The following RBM23 variants were observed in gnomAD, a reference collection of about 807,000 sequenced individuals.
RBM23 encodes probable RNA-binding protein 23.
Under a neutral mutation model 56.2 loss-of-function variants are expected in RBM23, and 53 were observed. The ratio of observed to expected loss-of-function variants is 0.94; its 90% CI spans 0.76 to 1.19. The LOEUF (loss-of-function observed/expected upper bound fraction) is 1.19, where lower values mean the gene tolerates loss of function less well. RBM23 is among the 50% of genes most tolerant of loss of function. RBM23 has a pLI of 0.00. For missense variants in RBM23, 642 were observed against 590.3 expected (o/e 1.09, Z -0.91); for synonymous variants, 197 against 198.5 (o/e 0.99, Z 0.06).
chr14:22,917,937 G>C (rs8023107), intron 1 of RBM23: 1 of 152,210 alleles, frequency 6.6e-6, no homozygotes, highest in Non-Finnish European at 1.5e-5. Flanking sequence ...AAGAATTCAC[G>C]AAAAGCTGGA....
intron 1 of RBM23, chr14:22,916,926 T>C (rs949307088): frequency 2.0e-5 from 3 of 152,052 alleles, no homozygotes; most frequent in African/African-American, 7.2e-5. Context: ...TGGAGTGCAA[T>C]GGCGCAATCT....
At chr14:22,909,359 T>C in intron 3 of RBM23, 124 bp downstream of exon 3, 1 of 756,156 alleles carries the variant, frequency 1.3e-6, no homozygotes, top group South Asian at 1.5e-5. Flanking sequence ...ATGACCTAGG[T>C]GGAGCCATTA....
At chr14:22,903,790 A>G in intron 10 of RBM23, 1 of 1,004,888 alleles carries the variant, frequency 1.0e-6, no homozygotes. Context: ...AGGTGGCCTC[A>G]CTATTCTCCC....
intron 4 of RBM23, among the ~76,000 whole-genome samples, chr14:22,907,627 C>T (rs953824506): frequency 6.6e-5 from 10 of 152,130 alleles, no homozygotes; most frequent in Admixed American, 2.0e-4. Context: ...ATATACTTCA[C>T]GATAAAAAGT....
chr14:22,902,995 T>C (rs907343994), intron 10 of RBM23: 1 of 815,426 alleles, frequency 1.2e-6, no homozygotes, highest in Admixed American at 6.2e-5. Flanking sequence ...TTGGTCAGGC[T>C]GGTCTCGAAC....
rs2040271846 is a variant in RBM23 at position 22,897,777 on chromosome 14, T to C, written c.*3953A>G. The C allele has an allele frequency of 6.6e-6, 1 of 152,232 alleles. No individual in the cohort carries two copies. Among genetic ancestry groups the C allele is most frequent in the Non-Finnish European group, 1.5e-5 (1 of 68,048 alleles). The allele number at this position is 152,232 out of a possible 1,614,324, so 9.4% of individuals were successfully genotyped here. On this transcript the variant is annotated 3_prime_UTR_variant, in exon 14 of 14. Coordinates refer to ENST00000359890, the MANE Select transcript of RBM23 (RefSeq NM_001077351.2). ...CAGGTAAGGTTAAGATCAAGGGATC[T>C]GAAGCGAGAGTACTTGGATTGGAAT...
chr14:22,908,441 G>A, intron 3 of RBM23, 61 bp from the exon 4 acceptor site: 1 of 1,521,190 alleles, frequency 6.6e-7, no homozygotes, highest in Non-Finnish European at 8.8e-7. Flanking sequence ...ATCTCGCTCT[G>A]TCGTGCAGTG....
intron 3 of RBM23, 47 bp downstream of exon 3, chr14:22,909,436 G>A (rs775951415): frequency 1.4e-6 from 2 of 1,476,764 alleles, no homozygotes; most frequent in Non-Finnish European, 1.9e-6. Flanking sequence ...GGACAAAACT[G>A]TTTCCCTTCC....
Position 22,908,640 on chromosome 14 carries a change from T to C in RBM23, c.180-260A>G, listed in dbSNP as rs2041975851. 9 of 347,286 alleles carry C rather than the reference T, an allele frequency of 2.6e-5. No homozygotes were observed. In the South Asian group the frequency reaches 2.8e-4, roughly 11 times the overall value. The allele number at this position is 347,286 out of a possible 1,614,324, so 21.5% of individuals were successfully genotyped here. A position where few individuals can be genotyped will look rare whatever the true frequency, so the allele number is the denominator to read the frequency against. Reference sequence around the variant, plus strand: ...AACCCCTGGCCTCAAGTGATCCACCTGCCTCAGCCTCCCAAAGTGCTGGGA... The same window carrying C: ...AACCCCTGGCCTCAAGTGATCCACCCGCCTCAGCCTCCCAAAGTGCTGGGA... On this transcript the variant is annotated intron_variant, in intron 3 of 13. Transcript: ENST00000359890.
rs1054836642 is a variant in RBM23, at chr14:22,897,205, G to A, written c.*4525C>T. On this transcript the variant is annotated 3_prime_UTR_variant, in exon 14 of 14. Transcript: ENST00000359890. ...TCTACAGACATTTAATATGTGCAAG[G>A]CAAAGCAATCATGAGAAAGACATCC... 1 of 152,162 alleles carries A rather than the reference G, an allele frequency of 6.6e-6. No homozygotes were observed. Among genetic ancestry groups the A allele is most frequent in the African/African-American group, 2.4e-5 (1 of 41,436 alleles). 9.4% of individuals were successfully genotyped at this position (152,162 alleles called of 1,614,324 possible). A position where few individuals can be genotyped will look rare whatever the true frequency, so the allele number is the denominator to read the frequency against.
rs2040289972 is a variant in RBM23 at position 22,898,743 on chromosome 14, A to C, written c.*2987T>G. The C allele has an allele frequency of 6.6e-6, 1 of 151,904 alleles. No homozygotes were observed. Among genetic ancestry groups the C allele is most frequent in the African/African-American group, 2.4e-5 (1 of 41,302 alleles). 9.4% of individuals were successfully genotyped at this position (151,904 alleles called of 1,614,324 possible). A position where few individuals can be genotyped will look rare whatever the true frequency, so the allele number is the denominator to read the frequency against. On this transcript the variant is annotated 3_prime_UTR_variant, in exon 14 of 14. Transcript: ENST00000359890. ...CAAGGTAGCTAGGGATGGAAACATA[A>C]GGAAACCAAGCAGAGGAAGGCAGGG... is the stretch of plus-strand genomic sequence containing the variant.
At chr14:22,905,967 C>G in intron 5 of RBM23, 1 of 618,902 alleles carries the variant, frequency 1.6e-6, no homozygotes, top group East Asian at 2.8e-5. Context: ...CCTGGCTGGT[C>G]TTGAATTCCT....
rs1555334360 is a variant in RBM23, at chr14:22,901,382, G to GT, written c.*347dup. On this transcript the variant is annotated 3_prime_UTR_variant, in exon 14 of 14. Transcript: ENST00000359890. ...AAAAGGAGAGAGGTCAGTTCCTTCA[G>GT]TATGCCCTATGGCCTTCCCAATGGG... 2 of 151,728 alleles carry GT rather than the reference G, an allele frequency of 1.3e-5. No individual in the cohort carries two copies. The highest frequency in any genetic ancestry group is 2.3e-5 in the Non-Finnish European group (2 of 88,798). 9.4% of individuals were successfully genotyped at this position (151,728 alleles called of 1,614,324 possible). A position where few individuals can be genotyped will look rare whatever the true frequency, so the allele number is the denominator to read the frequency against.
At chr14:22,906,169 G>C in intron 5 of RBM23, 26 bp downstream of exon 5, 1 of 1,611,934 alleles carries the variant, frequency 6.2e-7, no homozygotes. Context: ...TTATACAAAA[G>C]TGAATCTATT....
rs2040526337 is a variant in RBM23 at position 22,901,815 on chromosome 14, T to C, written c.1315A>G (p.Met439Val). The change falls in exon 13 of 14, where the codon ATG (methionine) becomes GTG (valine). Residue 439 changes from methionine (M) to valine (V), a missense_variant and splice_region_variant. By Grantham distance (21) the Met-to-Val change is conservative. Coordinates refer to ENST00000359890, the MANE Select transcript of RBM23 (RefSeq NM_001077351.2). ...AATGAGCTAGACCCTGAGACTCACA[T>C]GGTCTGGGGGGTAAAGAGGCTGGAG... ...QLSSLFTPQT[M>V] The C allele has an allele frequency of 1.9e-6, 3 of 1,613,850 alleles. No homozygotes were observed. Among genetic ancestry groups the C allele is most frequent in the Non-Finnish European group, 1.7e-6 (2 of 1,179,896 alleles).
At position 22,896,390 on chromosome 14, in the gene RBM23, C is replaced by G. The variant is rs561186830; in HGVS notation, c.*5340G>C. ...GTGGAGGTCCCCTAGCTTGCTTATGCTCAGGAGTTGAGGAGGCGAATTCTT... is the reference window on the plus strand; with the variant it reads ...GTGGAGGTCCCCTAGCTTGCTTATGGTCAGGAGTTGAGGAGGCGAATTCTT... On this transcript the variant is annotated 3_prime_UTR_variant, in exon 14 of 14. Coordinates refer to ENST00000359890, the MANE Select transcript of RBM23 (RefSeq NM_001077351.2). 1 of 152,270 alleles carries G rather than the reference C, an allele frequency of 6.6e-6. No homozygotes were observed. The highest frequency in any genetic ancestry group is 6.5e-5 in the Admixed American group (1 of 15,294). 9.4% of individuals were successfully genotyped at this position (152,270 alleles called of 1,614,324 possible). A position where few individuals can be genotyped will look rare whatever the true frequency, so the allele number is the denominator to read the frequency against.
chr14:22,910,151 C>CAAAAAAAAAAAAAAAAAAAAAAAAA (rs532892000), intron 2 of RBM23, among the ~76,000 whole-genome samples: 1 of 16,704 alleles, frequency 6.0e-5, no homozygotes, highest in Non-Finnish European at 1.1e-4. Context: ...GACTCTGTCT[C>CAAAAAAAAAAAAAAAAAAAAAAAAA]AAAAAAAAAA....
At position 22,902,389 on chromosome 14, in the gene RBM23, G is replaced by A; in HGVS notation, c.931-7C>T. 1.2e-6 allele frequency: 2 copies of A among 1,608,266 alleles called. No homozygotes were observed. The highest frequency in any genetic ancestry group is 1.7e-6 in the Non-Finnish European group (2 of 1,175,086). On this transcript the variant is annotated splice_region_variant and splice_polypyrimidine_tract_variant and intron_variant, in intron 10 of 13. Coordinates refer to ENST00000359890, the MANE Select transcript of RBM23 (RefSeq NM_001077351.2). Reference sequence around the variant, plus strand: ...CACACTCAGAATCAGAGAACTATGAGAAACCCAGGCCATGTTAGTCACCTA... The same window carrying A: ...CACACTCAGAATCAGAGAACTATGAAAAACCCAGGCCATGTTAGTCACCTA...
At chr14:22,915,543 T>G (rs1035352606) in intron 1 of RBM23, among the ~76,000 whole-genome samples, 1 of 139,418 alleles carries the variant, frequency 7.2e-6, no homozygotes, top group East Asian at 2.2e-4. Context: ...TTGTCCAGGC[T>G]GGAGTGCGGT....
Sources: allele counts gnomAD v4.1 joint callset (sites outside exome capture counted in the v4.1 genomes callset), GRCh38; gene constraint gnomAD v4.1.1; transcripts MANE v1.5; gene names NCBI Gene and HGNC (gene_info 2026-07-23, HGNC 2026-07-21).